PTPRT: variants seen among roughly 807,000 people sequenced by gnomAD.
PTPRT encodes the protein receptor-type tyrosine-protein phosphatase T.
A neutral mutation model predicts 176.8 loss-of-function variants in PTPRT; 56 were observed. The ratio of observed to expected loss-of-function variants is 0.32; its 90% confidence interval spans 0.26 to 0.40. PTPRT has a LOEUF of 0.40. Among genes scored for constraint, PTPRT ranks in the 10% least tolerant of loss-of-function variants. The pLI, the probability that PTPRT is intolerant of heterozygous loss-of-function variation, is 1.00. For synonymous variants in PTPRT, 783 were observed against 739.0 expected, an observed-to-expected ratio of 1.06 and a Z score of -0.96; for missense variants, 1,540 against 1,908.2, an observed-to-expected ratio of 0.81 and a Z score of 3.60.
intron 13 of PTPRT, among the ~76,000 whole-genome samples, chr20:42,263,797 T>A (rs924217713): frequency 2.0e-5 from 3 of 151,994 alleles, no homozygotes; most frequent in African/African-American, 7.3e-5. Flanking sequence ...GTGCTGGGAT[T>A]ATGGGTGTGG....
At chr20:42,276,933 C>T (rs2057049765) in intron 13 of PTPRT, among the ~76,000 whole-genome samples, 1 of 151,968 alleles carries the variant, frequency 6.6e-6, no homozygotes, top group Non-Finnish European at 1.5e-5. Flanking sequence ...TATTTAGTGT[C>T]CCTGCTGGTC....
At chr20:42,308,300 TG>T (rs1344015672) in intron 12 of PTPRT, among the ~76,000 whole-genome samples, 21 of 152,202 alleles carry the variant, frequency 1.4e-4, no homozygotes, top group Non-Finnish European at 2.1e-4. Flanking sequence ...AATCCTCTCT[TG>T]GGGTCTGGAT....
chr20:42,737,559 G>C (rs945874442), intron 6 of PTPRT, among the ~76,000 whole-genome samples: 17 of 151,948 alleles, frequency 1.1e-4, no homozygotes, highest in Non-Finnish European at 1.9e-4. Context: ...TTGAACCCGG[G>C]AGACGGAGGT....
chr20:42,414,301 G>T (rs2145747242), intron 9 of PTPRT, among the ~76,000 whole-genome samples: 1 of 152,314 alleles, frequency 6.6e-6, no homozygotes, highest in Admixed American at 6.5e-5. Flanking sequence ...AAAGAGAAAA[G>T]TATCTCATAT....
chr20:42,320,409 T>C (rs2057783924), intron 11 of PTPRT, among the ~76,000 whole-genome samples: 1 of 152,178 alleles, frequency 6.6e-6, no homozygotes, highest in African/African-American at 2.4e-5. Context: ...GCCCTCTTTC[T>C]ATATCTAGAA....
intron 7 of PTPRT, among the ~76,000 whole-genome samples, chr20:42,667,086 C>T (rs1422276924): frequency 6.6e-6 from 1 of 152,070 alleles, no homozygotes; most frequent in African/African-American, 2.4e-5. Flanking sequence ...TATTTTTTGG[C>T]CTACTAATAT....
intron 8 of PTPRT, among the ~76,000 whole-genome samples, chr20:42,471,458 C>G (rs967011352): frequency 3.3e-5 from 5 of 152,142 alleles, no homozygotes; most frequent in African/African-American, 1.2e-4. Context: ...ATCTTTTGCG[C>G]CTGCTTTGGC....
intron 1 of PTPRT, among the ~76,000 whole-genome samples, chr20:43,065,654 T>C (rs1193297903): frequency 6.6e-6 from 1 of 152,168 alleles, no homozygotes; most frequent in Non-Finnish European, 1.5e-5. Context: ...TCAGATGATG[T>C]ACACCAGCCA....
At chr20:42,057,950 T>C in the PTPRT span, among the ~76,000 whole-genome samples, 1 of 152,156 alleles carries the variant, frequency 6.6e-6, no homozygotes, top group Non-Finnish European at 1.5e-5. Flanking sequence ...CATCAAACAA[T>C]TAGGGAAAGT....
chr20:42,740,652 C>T (rs917523231), intron 6 of PTPRT, among the ~76,000 whole-genome samples: 1 of 152,242 alleles, frequency 6.6e-6, no homozygotes, highest in Non-Finnish European at 1.5e-5. Context: ...AGTCATGCAT[C>T]TGCCAGAGGG....
At chr20:42,843,554 A>T (rs982597057) in intron 2 of PTPRT, among the ~76,000 whole-genome samples, 13 of 152,252 alleles carry the variant, frequency 8.5e-5, no homozygotes, top group Admixed American at 7.8e-4. Context: ...GGCAAGGGTG[A>T]TAACCTCTGG....
chr20:42,087,497 T>C (rs1051701790), intron 27 of PTPRT, among the ~76,000 whole-genome samples: 2 of 151,422 alleles, frequency 1.3e-5, no homozygotes, highest in Non-Finnish European at 2.9e-5. Flanking sequence ...TCCACCCACC[T>C]TGGCCTCCCA....
At position 42,586,570 on chromosome 20, in the gene PTPRT, A is replaced by G. The variant is rs530738798; in HGVS notation, c.1153+91296T>C. 2.6e-5 allele frequency among the ~76,000 whole-genome samples: 4 copies of G among 152,292 alleles called. No homozygotes were observed. The East Asian group carries it at 5.8e-4, about 22-fold the overall frequency. ...ACACTCAGAGAAGGACTTCGACCTCAACATGTGATCCAGATAAAGAGCATC... is the reference window on the plus strand; with the variant it reads ...ACACTCAGAGAAGGACTTCGACCTCGACATGTGATCCAGATAAAGAGCATC... On this transcript the variant is annotated intron_variant, in intron 7 of 30. Transcript: ENST00000373187.
At chr20:42,210,828 A>G (rs2055604987) in intron 15 of PTPRT, among the ~76,000 whole-genome samples, 1 of 152,328 alleles carries the variant, frequency 6.6e-6, no homozygotes, top group Middle Eastern at 3.4e-3. Context: ...AGAAGAGCCC[A>G]CATCGCCAAG....
intron 12 of PTPRT, among the ~76,000 whole-genome samples, chr20:42,290,053 G>C (rs2057293947): frequency 6.6e-6 from 1 of 151,996 alleles, no homozygotes; most frequent in East Asian, 1.9e-4. Context: ...GTATATTCTG[G>C]ATACTCTGAT....
the PTPRT span, among the ~76,000 whole-genome samples, chr20:42,066,743 TA>T: frequency 7.9e-5 from 12 of 152,188 alleles, no homozygotes; most frequent in African/African-American, 2.9e-4. Flanking sequence ...TTTTAAAATT[TA>T]CTAGCCATGA....
In PTPRT at chr20:43,104,905, T is replaced by C. The variant is rs548320893; in HGVS notation, c.88+84741A>G. 1.2e-4 allele frequency among the ~76,000 whole-genome samples: 18 copies of C among 152,266 alleles called. No individual in the cohort carries two copies. The East Asian group carries it at 2.5e-3, about 21-fold the overall frequency. On this transcript the variant is annotated intron_variant, in intron 1 of 30. Coordinates refer to ENST00000373187, the MANE Select transcript of PTPRT (RefSeq NM_007050.6). ...AGTGTGGTGACTGCTGTGGACTTAA[T>C]TACAACCTATCTCAAATTATCCTAC...
At chr20:42,184,411 TCTTTC>T (rs1406716689) in intron 16 of PTPRT, among the ~76,000 whole-genome samples, 13 of 151,908 alleles carry the variant, frequency 8.6e-5, no homozygotes, top group Non-Finnish European at 1.5e-4. Context: ...TGCTGGTATT[TCTTTC>T]CTTTCCTTTC....
chr20:43,113,108 G>A (rs1005249913), intron 1 of PTPRT, among the ~76,000 whole-genome samples: 3 of 151,916 alleles, frequency 2.0e-5, no homozygotes, highest in Admixed American at 2.0e-4. Flanking sequence ...TGATATAAAC[G>A]TACCTCCTGG....
Sources: allele counts gnomAD v4.1 joint callset (sites outside exome capture counted in the v4.1 genomes callset), GRCh38; gene constraint gnomAD v4.1.1; transcripts MANE v1.5; gene names NCBI Gene and HGNC (gene_info 2026-07-23, HGNC 2026-07-21).